SCTR: variants seen among roughly 807,000 people sequenced by gnomAD.
SCTR encodes pancreatic secretin receptor.
SCTR carries 56 observed loss-of-function variants against 60.8 expected under a neutral mutation model. The ratio of observed to expected loss-of-function variants is 0.92; its 90% CI spans 0.74 to 1.15. The LOEUF is 1.15. SCTR is among the 50% of genes most tolerant of loss of function. SCTR has a pLI of 0.00. For synonymous variants in SCTR, 202 were observed against 217.0 expected (o/e 0.93, Z 0.61); for missense variants, 562 against 550.4 (o/e 1.02, Z -0.21).
At chr2:119,501,824 A>G (rs936457709) in intron 1 of SCTR, among the ~76,000 whole-genome samples, 2 of 152,232 alleles carry the variant, frequency 1.3e-5, no homozygotes, top group African/African-American at 4.8e-5. Flanking sequence ...GACTGTCTAC[A>G]TAGAAAATCC....
At chr2:119,521,392 T>A (rs1370552417) in intron 1 of SCTR, among the ~76,000 whole-genome samples, 1 of 152,202 alleles carries the variant, frequency 6.6e-6, no homozygotes, top group Non-Finnish European at 1.5e-5. Context: ...TGTGACAGAC[T>A]CTAGGGATGA....
intron 2 of SCTR, among the ~76,000 whole-genome samples, chr2:119,491,882 C>T (rs1209739367): frequency 2.0e-5 from 3 of 152,196 alleles, no homozygotes; most frequent in Non-Finnish European, 4.4e-5. Flanking sequence ...AAAGGCTGCC[C>T]ACTGCCATCC....
At position 119,453,971 on chromosome 2, in the gene SCTR, C is replaced by T. The variant is rs541570672; in HGVS notation, c.791-624G>A. Among the ~76,000 whole-genome samples, 4 of 152,264 alleles carry T rather than the reference C, an allele frequency of 2.6e-5. No homozygotes were observed. The East Asian group carries it at 7.7e-4, about 29-fold the overall frequency. Reference sequence around the variant, plus strand: ...TTAAACGTGGCAAACTGAACTTATACATTTATCCCTACTTCCCCTGAAGCC... The same window carrying T: ...TTAAACGTGGCAAACTGAACTTATATATTTATCCCTACTTCCCCTGAAGCC... On this transcript the variant is annotated intron_variant, in intron 7 of 12. Transcript: ENST00000019103.
intron 2 of SCTR, among the ~76,000 whole-genome samples, chr2:119,491,658 C>T (rs575777741): frequency 1.2e-4 from 18 of 152,194 alleles, no homozygotes; most frequent in African/African-American, 4.1e-4. Context: ...ATTACAGGCG[C>T]CCACAACCAC....
intron 4 of SCTR, among the ~76,000 whole-genome samples, chr2:119,467,033 A>G (rs965822698): frequency 6.6e-6 from 1 of 152,148 alleles, no homozygotes; most frequent in Non-Finnish European, 1.5e-5. Context: ...GCCACTTCAC[A>G]CTATTGGCTC....
At chr2:119,511,976 C>A (rs1172685504) in intron 1 of SCTR, among the ~76,000 whole-genome samples, 1 of 152,010 alleles carries the variant, frequency 6.6e-6, no homozygotes, top group East Asian at 1.9e-4. Context: ...GATTCCAAAT[C>A]TTTTGTATAC....
At chr2:119,508,365 T>TTTCTTC (rs781489427) in intron 1 of SCTR, among the ~76,000 whole-genome samples, 7 of 130,208 alleles carry the variant, frequency 5.4e-5, no homozygotes, top group African/African-American at 1.7e-4. Flanking sequence ...TTTCTTTCTT[T>TTTCTTC]TTCTTCTTCT....
chr2:119,458,125 C>G (rs566943466), intron 7 of SCTR, among the ~76,000 whole-genome samples: 1 of 151,516 alleles, frequency 6.6e-6, no homozygotes, highest in Admixed American at 6.6e-5. Flanking sequence ...GAGACACTGT[C>G]TCTACAAAAA....
chr2:119,440,021 G>C lies in SCTR; in HGVS notation c.*96C>G. On this transcript the variant is annotated 3_prime_UTR_variant, in exon 13 of 13. Coordinates refer to ENST00000019103, the MANE Select transcript of SCTR (RefSeq NM_002980.3). Reference sequence around the variant, plus strand: ...GCATCTTCAGCTGAAGGAGGACACAGGGTGTCTGCTGGGAAGACTGGCTGT... The same window carrying C: ...GCATCTTCAGCTGAAGGAGGACACACGGTGTCTGCTGGGAAGACTGGCTGT... The C allele has an allele frequency of 7.6e-7, 1 of 1,313,338 alleles. No homozygotes were observed. Among genetic ancestry groups the C allele is most frequent in the South Asian group, 1.4e-5 (1 of 71,718 alleles). The allele number at this position is 1,313,338 out of a possible 1,614,324, so 81.4% of individuals were successfully genotyped here.
At chr2:119,503,367 G>A (rs1678620743) in intron 1 of SCTR, among the ~76,000 whole-genome samples, 1 of 151,930 alleles carries the variant, frequency 6.6e-6, no homozygotes, top group Non-Finnish European at 1.5e-5. Context: ...AGGAGTTCAA[G>A]ACCAGCCTGG....
Position 119,439,891 on chromosome 2 carries a change from C to G in SCTR, c.*226G>C. On this transcript the variant is annotated 3_prime_UTR_variant, in exon 13 of 13. Coordinates refer to ENST00000019103, the MANE Select transcript of SCTR (RefSeq NM_002980.3). ...TTATTTCCCTGTCCCTTTCTGGGAC[C>G]CCTGAACTTCTCTTCCCAGAAGAGC... 2 of 516,288 alleles carry G rather than the reference C, an allele frequency of 3.9e-6. No homozygotes were observed. The highest frequency in any genetic ancestry group is 6.8e-6 in the Non-Finnish European group (2 of 292,056). The allele number at this position is 516,288 out of a possible 1,614,324, so 32.0% of individuals were successfully genotyped here. A position where few individuals can be genotyped will look rare whatever the true frequency, so the allele number is the denominator to read the frequency against.
chr2:119,509,878 A>G (rs977707570), intron 1 of SCTR, among the ~76,000 whole-genome samples: 15 of 152,126 alleles, frequency 9.9e-5, no homozygotes, highest in African/African-American at 3.6e-4. Context: ...TGCCTATTCT[A>G]GATACCTCAC....
intron 1 of SCTR, among the ~76,000 whole-genome samples, chr2:119,500,674 G>A (rs577007373): frequency 2.6e-5 from 4 of 152,280 alleles, no homozygotes; most frequent in East Asian, 1.9e-4. Context: ...AACTAAAAAG[G>A]TGGATCACAT....
chr2:119,478,809 A>C lies in SCTR; in HGVS notation c.301+2T>G. 1.2e-6 allele frequency: 2 copies of C among 1,614,108 alleles called. No individual in the cohort carries two copies. ...GCCAGGCCCCATGGGCCGAGTGGTT[A>C]CCATTTCTGCTGGTGAGCATCCGGA... is the stretch of plus-strand genomic sequence containing the variant. On this transcript the variant is annotated splice_donor_variant, in intron 3 of 12. Transcript: ENST00000019103. LOFTEE classifies it high-confidence loss of function.
intron 1 of SCTR, among the ~76,000 whole-genome samples, chr2:119,497,847 C>T (rs944507725): frequency 6.6e-6 from 1 of 151,872 alleles, no homozygotes; most frequent in African/African-American, 2.4e-5. Flanking sequence ...AGAAAATAAA[C>T]TGAAAATAAA....
At chr2:119,462,052 C>T (rs778514269) in intron 6 of SCTR, 52 bp from the exon 7 acceptor site, 3 of 1,550,806 alleles carry the variant, frequency 1.9e-6, no homozygotes, top group East Asian at 2.3e-5. Context: ...GGGGTTCCCT[C>T]TGGTGAGTGG....
In SCTR at chr2:119,524,464, T is replaced by C. The variant is rs1252625963; in HGVS notation, c.-238A>G. ...CAGGACGCGGCTTTGCCGGCGCGCC[T>C]CCTCCACCCGGCAGGGACTGGCGCG... On this transcript the variant is annotated 5_prime_UTR_variant, in exon 1 of 13. Transcript: ENST00000019103. The C allele has an allele frequency of 2.8e-6, 1 of 353,682 alleles. No homozygotes were observed. The allele number at this position is 353,682 out of a possible 1,614,324, so 21.9% of individuals were successfully genotyped here. A position where few individuals can be genotyped will look rare whatever the true frequency, so the allele number is the denominator to read the frequency against.
At chr2:119,469,682 A>G (rs985314839) in intron 4 of SCTR, among the ~76,000 whole-genome samples, 1 of 152,148 alleles carries the variant, frequency 6.6e-6, no homozygotes, top group Non-Finnish European at 1.5e-5. Flanking sequence ...TTGTAGAGAT[A>G]GGGTCTCCCT....
At chr2:119,465,240 G>A (rs574325278) in intron 5 of SCTR, among the ~76,000 whole-genome samples, 1 of 152,324 alleles carries the variant, frequency 6.6e-6, no homozygotes, top group East Asian at 1.9e-4. Flanking sequence ...GTGTTGCTGA[G>A]CTAGCAGGAT....
Sources: allele counts gnomAD v4.1 joint callset (sites outside exome capture counted in the v4.1 genomes callset), GRCh38; gene constraint gnomAD v4.1.1; transcripts MANE v1.5; gene names NCBI Gene and HGNC (gene_info 2026-07-23, HGNC 2026-07-21).